Variants in SEH1L observed in about 807,000 individuals in gnomAD.
SEH1L encodes the protein nucleoporin SEH1.
A neutral mutation model predicts 49.5 loss-of-function variants in SEH1L; 18 were observed. The observed-to-expected ratio is 0.36, with a 90% confidence interval of 0.25 to 0.54. SEH1L has a LOEUF of 0.54. Ranked by LOEUF, SEH1L falls within the 20% of genes least tolerant of loss-of-function variation. SEH1L has a pLI of 0.87. For synonymous variants in SEH1L, 169 were observed against 178.1 expected (o/e 0.95, Z 0.41); for missense variants, 404 against 528.8 (o/e 0.76, Z 2.31).
At chr18:12,986,011 G>A in intron 8 of SEH1L, 1 of 911,774 alleles carries the variant, frequency 1.1e-6, no homozygotes, top group Non-Finnish European at 1.3e-6. Flanking sequence ...GTATTTTTAT[G>A]GTGTTATTTA....
Position 12,951,753 on chromosome 18 carries a change from T to A in SEH1L, c.112-102T>A, listed in dbSNP as rs565247130. The A allele has an allele frequency of 1.4e-4, 97 of 712,826 alleles. 1 individual carries two copies. The African/African-American group carries it at 1.8e-3, about 13-fold the overall frequency. The allele number at this position is 712,826 out of a possible 1,614,324, so 44.2% of individuals were successfully genotyped here. A position where few individuals can be genotyped will look rare whatever the true frequency, so the allele number is the denominator to read the frequency against. ...TTGCTGATTGTGTTCTTTTGTTAAC[T>A]ATATGTTCACCGCTTTCCTTGTACA... On this transcript the variant is annotated intron_variant, in intron 1 of 8. Coordinates refer to ENST00000399892, the MANE Select transcript of SEH1L (RefSeq NM_001013437.2).
intron 2 of SEH1L, among the ~76,000 whole-genome samples, chr18:12,953,898 C>T (rs1340545135): frequency 6.6e-6 from 1 of 152,066 alleles, no homozygotes; most frequent in Non-Finnish European, 1.5e-5. Flanking sequence ...TTTTGCTTAA[C>T]TAGTGGATAT....
chr18:12,960,577 A>G (rs557153968), intron 3 of SEH1L, among the ~76,000 whole-genome samples: 1 of 152,204 alleles, frequency 6.6e-6, no homozygotes, highest in African/African-American at 2.4e-5. Flanking sequence ...GGGGAGGAGT[A>G]TGTCTGATTG....
chr18:12,984,362 A>G, intron 8 of SEH1L, 172 bp downstream of exon 8: 1 of 690,150 alleles, frequency 1.4e-6, no homozygotes, highest in Non-Finnish European at 2.5e-6. Flanking sequence ...TTACTTGGTC[A>G]TAATATTTGC....
Position 12,963,192 on chromosome 18 carries a change from A to G in SEH1L, c.342A>G (p.Thr114=). The part of the protein sequence containing the change: ...VKRTTLVDSR[T]SVTDVKFAPK... ...GGACAACTCTGGTGGATAGCAGAAC[A>G]TCTGTTACTGATGTGAAGTTTGCTC... The change falls in exon 4 of 9, where the codon ACA becomes ACG. Residue 114 remains threonine (T), a synonymous_variant. Transcript: ENST00000399892. 3 of 1,613,840 alleles carry G rather than the reference A, an allele frequency of 1.9e-6. No individual in the cohort carries two copies. Among genetic ancestry groups the G allele is most frequent in the African/African-American group, 1.3e-5 (1 of 75,032 alleles).
chr18:12,980,775 A>G (rs1598979067), intron 6 of SEH1L, among the ~76,000 whole-genome samples: 1 of 44,274 alleles, frequency 2.3e-5, no homozygotes, highest in Non-Finnish European at 4.1e-5. Context: ...GCGGCCGGGC[A>G]GAGGCGCCCC....
At chr18:12,972,238 T>C (rs116884204) in intron 5 of SEH1L, 10 of 152,240 alleles carry the variant, frequency 6.6e-5, no homozygotes, top group East Asian at 5.8e-4. Flanking sequence ...TGGTGATTGA[T>C]TGGATTTGAG....
At chr18:12,958,764 G>A (rs943671343) in intron 3 of SEH1L, among the ~76,000 whole-genome samples, 1 of 152,254 alleles carries the variant, frequency 6.6e-6, no homozygotes, top group South Asian at 2.1e-4. Flanking sequence ...TGGACCCTTG[G>A]GTTGTTTCTA....
intron 3 of SEH1L, among the ~76,000 whole-genome samples, chr18:12,957,124 T>A (rs1278806872): frequency 6.6e-6 from 1 of 152,086 alleles, no homozygotes; most frequent in Non-Finnish European, 1.5e-5. Flanking sequence ...ACTTTTGTTT[T>A]CTTAGGAAAT....
intron 6 of SEH1L, among the ~76,000 whole-genome samples, chr18:12,979,692 G>A (rs550424990): frequency 1.3e-5 from 2 of 149,644 alleles, no homozygotes; most frequent in African/African-American, 2.5e-5. Context: ...CTGGCTGGGC[G>A]GGGGGCTGAC....
chr18:12,957,576 T>G (rs116509075), intron 3 of SEH1L, among the ~76,000 whole-genome samples: 93 of 152,346 alleles, frequency 6.1e-4, no homozygotes, highest in African/African-American at 2.2e-3. Context: ...TGAACTAGAT[T>G]ATATTTAAGA....
At chr18:12,984,250 T>C (rs757890122) in intron 8 of SEH1L, 60 bp downstream of exon 8, 10 of 1,517,564 alleles carry the variant, frequency 6.6e-6, no homozygotes. Context: ...CTGGTAGCCA[T>C]ACTTAAGGTG....
chr18:12,979,312 C>G (rs1473213312), intron 6 of SEH1L, among the ~76,000 whole-genome samples: 1 of 150,210 alleles, frequency 6.7e-6, no homozygotes, highest in African/African-American at 2.5e-5. Context: ...TAACAAAGCA[C>G]ATCTTGCACC....
At chr18:12,958,618 C>G (rs1422672484) in intron 3 of SEH1L, among the ~76,000 whole-genome samples, 1 of 152,186 alleles carries the variant, frequency 6.6e-6, no homozygotes, top group African/African-American at 2.4e-5. Flanking sequence ...CCATTTGCAA[C>G]TGGCTTATTT....
At chr18:12,980,249 C>A (rs2032145274) in intron 6 of SEH1L, among the ~76,000 whole-genome samples, 1 of 141,702 alleles carries the variant, frequency 7.1e-6, no homozygotes, top group Non-Finnish European at 1.6e-5. Flanking sequence ...GGCGGCTGGC[C>A]CCCCCACCTC....
chr18:12,975,404 G>A (rs891775327), intron 5 of SEH1L, among the ~76,000 whole-genome samples: 2 of 152,010 alleles, frequency 1.3e-5, no homozygotes, highest in Admixed American at 6.6e-5. Context: ...AGCTTACAGC[G>A]CCTAGGATAT....
intron 4 of SEH1L, among the ~76,000 whole-genome samples, chr18:12,966,598 C>T (rs547865974): frequency 3.3e-5 from 5 of 152,152 alleles, no homozygotes; most frequent in Admixed American, 1.3e-4. Context: ...TATGGGGTTT[C>T]GCCTTGTTGC....
intron 5 of SEH1L, chr18:12,972,014 T>C (rs548389131): frequency 6.6e-6 from 1 of 152,220 alleles, no homozygotes; most frequent in Non-Finnish European, 1.5e-5. Context: ...TGTTTCAGTT[T>C]TATCTTACAG....
intron 4 of SEH1L, among the ~76,000 whole-genome samples, chr18:12,968,508 G>A (rs11080617): frequency 0.26 from 39,852 of 151,952 alleles, 6,030 homozygotes; most frequent in Admixed American, 0.37. Flanking sequence ...ATGATTGTCC[G>A]TGACTCATTT....
Sources: gnomAD v4.1 joint callset for allele counts (sites outside exome capture counted in the v4.1 genomes callset) on GRCh38, gnomAD v4.1.1 for gene constraint, MANE v1.5 for transcripts, NCBI Gene and HGNC (gene_info 2026-07-23, HGNC 2026-07-21) for gene names.